The following MAP4 variants were observed in gnomAD, a reference collection of about 807,000 sequenced individuals.
MAP4 encodes the protein microtubule-associated protein 4.
A neutral mutation model predicts 170.2 loss-of-function variants in MAP4; 76 were observed. The observed-to-expected ratio is 0.45, with a 90% CI of 0.37 to 0.54. MAP4 has a LOEUF of 0.54. MAP4 is among the 20% of genes least tolerant of loss of function. The probability of loss-of-function intolerance (pLI) is 0.00; values close to 1 mark genes in which losing one functional copy is unlikely to be tolerated. For synonymous variants in MAP4, 909 were observed against 994.5 expected (o/e 0.91, Z 1.62); for missense variants, 2,506 against 2,748.0 (o/e 0.91, Z 1.97).
intron 1 of MAP4, among the ~76,000 whole-genome samples, chr3:48,083,186 C>T (rs951213234): frequency 6.6e-6 from 1 of 152,110 alleles, no homozygotes; most frequent in Admixed American, 6.6e-5. Context: ...TCCACTAATG[C>T]TAATTTCTTA....
chr3:47,880,258 A>AT (rs2096461752), intron 10 of MAP4, among the ~76,000 whole-genome samples: 1 of 124,882 alleles, frequency 8.0e-6, no homozygotes, highest in Non-Finnish European at 1.6e-5. Flanking sequence ...ACACCTGGCT[A>AT]ATTTTTTTTT....
intron 4 of MAP4, 75 bp from the exon 5 acceptor site, chr3:47,921,953 C>A: frequency 1.6e-6 from 1 of 607,534 alleles, no homozygotes. Flanking sequence ...TTCTTTCTTT[C>A]TTTTTTTTTT....
At chr3:47,908,896 G>C (rs2100034505) in intron 9 of MAP4, 142 bp downstream of exon 9, 10 of 861,938 alleles carry the variant, frequency 1.2e-5, no homozygotes, top group Non-Finnish European at 1.8e-5. Flanking sequence ...ACACACCGTA[G>C]CAGTTATAGG....
At chr3:48,041,664 G>A (rs1054688096) in intron 1 of MAP4, among the ~76,000 whole-genome samples, 1 of 152,064 alleles carries the variant, frequency 6.6e-6, no homozygotes, top group Non-Finnish European at 1.5e-5. Flanking sequence ...GGGCAACATG[G>A]CAAAACCCCA....
intron 10 of MAP4, among the ~76,000 whole-genome samples, chr3:47,880,881 AAT>A (rs1347376959): frequency 6.6e-6 from 1 of 152,158 alleles, no homozygotes; most frequent in Non-Finnish European, 1.5e-5. Context: ...AATTTCTATC[AAT>A]GTTTATGAGA....
At chr3:47,869,173 A>C (rs1012371411) in intron 16 of MAP4, 41 bp downstream of exon 16, 3 of 1,440,524 alleles carry the variant, frequency 2.1e-6, no homozygotes, top group Non-Finnish European at 2.9e-6. Flanking sequence ...GAAGTATTTT[A>C]CCATCTTCAC....
intron 2 of MAP4, among the ~76,000 whole-genome samples, chr3:47,993,728 C>T (rs1356927363): frequency 7.2e-5 from 11 of 152,274 alleles, no homozygotes; most frequent in Admixed American, 2.0e-4. Context: ...TACCAAGAGG[C>T]GTAAGTGCTG....
chr3:47,953,921 T>A (rs2100066134), intron 3 of MAP4, among the ~76,000 whole-genome samples: 1 of 151,268 alleles, frequency 6.6e-6, no homozygotes, highest in African/African-American at 2.4e-5. Flanking sequence ...GGCTGAGGCA[T>A]GAGAATTGCT....
In MAP4 at chr3:47,885,396, ATCAAT is replaced by A. The variant is rs201043968; in HGVS notation, c.5435-7878_5435-7874del. On this transcript the variant is annotated intron_variant, in intron 10 of 20. Transcript: ENST00000683076. ...AATCAATCAATCAATCAATCAATCA[ATCAAT>A]TCATCAGTCCCAGGGAATTCACTGT... Among the ~76,000 whole-genome samples, 534 of 148,240 alleles carry A rather than the reference ATCAAT, an allele frequency of 3.6e-3. 28 individuals are homozygous for A. In the East Asian group the frequency reaches 0.084, roughly 23 times the overall value.
At chr3:47,933,601 C>CT (rs1306889632) in intron 3 of MAP4, among the ~76,000 whole-genome samples, 46,785 of 129,552 alleles carry the variant, frequency 0.36, 8,863 homozygotes, top group Non-Finnish European at 0.38. Context: ...TCCTGCCCAG[C>CT]TTTTTTTTTT....
At chr3:48,023,656 C>T (rs945829733) in intron 1 of MAP4, among the ~76,000 whole-genome samples, 3 of 152,218 alleles carry the variant, frequency 2.0e-5, no homozygotes, top group African/African-American at 4.8e-5. Flanking sequence ...CTAGACTGAA[C>T]ATGGTAGACA....
At chr3:47,925,466 G>A (rs2100045274) in intron 4 of MAP4, among the ~76,000 whole-genome samples, 1 of 152,112 alleles carries the variant, frequency 6.6e-6, no homozygotes, top group South Asian at 2.1e-4. Context: ...CTCCAGCCTG[G>A]GCGACAGAGG....
At position 48,050,121 on chromosome 3, in the gene MAP4, G is replaced by A. The variant is rs543585353; in HGVS notation, c.-20+38652C>T. The stretch of plus-strand genomic sequence containing the variant: ...CTAAAAATACAAAAAGTAGCTGGGC[G>A]TGGTGGCACACACCTGTAATCCCAG... On this transcript the variant is annotated intron_variant, in intron 1 of 18. Transcript: ENST00000360240. Among the ~76,000 whole-genome samples the A allele has an allele frequency of 4.5e-4, 68 of 150,262 alleles. 1 individual carries two copies. The East Asian group carries it at 0.013, about 29-fold the overall frequency.
chr3:48,000,993 G>A (rs987225384), intron 1 of MAP4, among the ~76,000 whole-genome samples: 2 of 152,126 alleles, frequency 1.3e-5, no homozygotes, highest in Non-Finnish European at 2.9e-5. Flanking sequence ...TACAAAACAT[G>A]TACAAAGCAA....
chr3:47,949,678 TTCCAAATCTATAC>T (rs1553650862), intron 3 of MAP4, among the ~76,000 whole-genome samples: 3 of 152,160 alleles, frequency 2.0e-5, no homozygotes, highest in Admixed American at 6.5e-5. Context: ...TGCCTTTCAG[TTCCAAATCTATAC>T]TTTACTGCTC....
At chr3:48,056,472 C>G (rs868024032) in intron 1 of MAP4, among the ~76,000 whole-genome samples, 1 of 65,982 alleles carries the variant, frequency 1.5e-5, no homozygotes, top group Non-Finnish European at 3.1e-5. Flanking sequence ...CCAGCCGCCC[C>G]GTCCGGGAGG....
At chr3:48,062,506 A>AC (rs1211143123) in intron 1 of MAP4, among the ~76,000 whole-genome samples, 114 of 150,484 alleles carry the variant, frequency 7.6e-4, no homozygotes, top group Non-Finnish European at 1.2e-3. Context: ...AAAAAAAAAA[A>AC]AAAAAAAAAA....
At chr3:48,067,486 T>C (rs906494198) in intron 1 of MAP4, among the ~76,000 whole-genome samples, 1 of 152,162 alleles carries the variant, frequency 6.6e-6, no homozygotes. Context: ...CAAGCCACAG[T>C]GCACAGCTAA....
intron 1 of MAP4, among the ~76,000 whole-genome samples, chr3:48,021,668 C>T (rs1475268997): frequency 6.6e-6 from 1 of 152,058 alleles, no homozygotes; most frequent in East Asian, 1.9e-4. Flanking sequence ...TTAACATAAC[C>T]CCAAGCAAAG....
Sources: allele counts gnomAD v4.1 joint callset (sites outside exome capture counted in the v4.1 genomes callset), GRCh38; gene constraint gnomAD v4.1.1; transcripts MANE v1.5; gene names NCBI Gene and HGNC (gene_info 2026-07-23, HGNC 2026-07-21).